ATRNL1: variants seen among roughly 807,000 people sequenced by gnomAD.
ATRNL1 encodes the protein attractin-like protein 1.
In ATRNL1, 95 loss-of-function variants were observed where a neutral mutation model predicts 182.7. The ratio of observed to expected loss-of-function variants is 0.52; its 90% CI spans 0.44 to 0.62. The LOEUF is 0.62. Ranked by LOEUF, ATRNL1 falls within the 20% of genes least tolerant of loss-of-function variation. The probability of loss-of-function intolerance (pLI) is 0.00; values close to 1 mark genes in which losing one functional copy is unlikely to be tolerated. For missense variants in ATRNL1, 1,471 were observed against 1,679.5 expected, an observed-to-expected ratio of 0.88 and a Z score of 2.17; for synonymous variants, 576 against 568.3, an observed-to-expected ratio of 1.01 and a Z score of -0.19.
chr10:115,474,357 C>G (rs190559488), intron 24 of ATRNL1, among the ~76,000 whole-genome samples: 6 of 151,484 alleles, frequency 4.0e-5, no homozygotes, highest in African/African-American at 1.2e-4. Context: ...TGATGGGTCA[C>G]TTTTATCTTC....
chr10:115,871,279 C>T (rs1951572571), intron 28 of ATRNL1, among the ~76,000 whole-genome samples: 1 of 151,612 alleles, frequency 6.6e-6, no homozygotes, highest in Non-Finnish European at 1.5e-5. Flanking sequence ...TTACAAATTT[C>T]CCATAATCTT....
At chr10:115,795,486 T>C (rs1555082711) in intron 27 of ATRNL1, among the ~76,000 whole-genome samples, 1 of 152,146 alleles carries the variant, frequency 6.6e-6, no homozygotes, top group African/African-American at 2.4e-5. Context: ...CAGTCTCCCA[T>C]GTATTAGTCC....
intron 26 of ATRNL1, among the ~76,000 whole-genome samples, chr10:115,716,129 A>G (rs560042562): frequency 1.3e-5 from 2 of 152,324 alleles, no homozygotes; most frequent in South Asian, 4.1e-4. Context: ...CTTAAAAGCA[A>G]GTCAGATTGC....
rs1016552418 is a variant in ATRNL1, at chr10:115,494,329, T to C, written c.3655-24934T>C. On this transcript the variant is annotated intron_variant, in intron 24 of 28. Transcript: ENST00000355044. ...ATCCTGTTTGGATGCATTTCATTCC[T>C]TTCTCTTGCCTGATTGCTGTGGCCA... Among the ~76,000 whole-genome samples the C allele has an allele frequency of 2.6e-5, 4 of 152,174 alleles. No individual in the cohort carries two copies. In the East Asian group the frequency reaches 7.7e-4, roughly 29 times the overall value.
chr10:115,265,686 A>C (rs74361832), intron 11 of ATRNL1, among the ~76,000 whole-genome samples: 2,233 of 151,836 alleles, frequency 0.015, 48 homozygotes, highest in African/African-American at 0.05. Context: ...TCTGTCATTT[A>C]CTAAATGTGT....
At chr10:115,913,454 C>T (rs922372771) in intron 28 of ATRNL1, among the ~76,000 whole-genome samples, 6 of 152,206 alleles carry the variant, frequency 3.9e-5, no homozygotes, top group African/African-American at 1.4e-4. Flanking sequence ...AGCCAAAGTG[C>T]TTAACTACTG....
intron 27 of ATRNL1, among the ~76,000 whole-genome samples, chr10:115,802,478 A>AACTT (rs1949821303): frequency 6.6e-6 from 1 of 152,330 alleles, no homozygotes; most frequent in Non-Finnish European, 1.5e-5. Context: ...TGTGAGGGAA[A>AACTT]ACTTAATGAA....
intron 5 of ATRNL1, among the ~76,000 whole-genome samples, chr10:115,141,500 G>A (rs1554878067): frequency 6.6e-6 from 1 of 152,118 alleles, no homozygotes; most frequent in African/African-American, 2.4e-5. Context: ...TGGCATTCAA[G>A]TTGTAGAAAC....
At chr10:115,689,518 A>G (rs556039405) in intron 26 of ATRNL1, among the ~76,000 whole-genome samples, 18 of 152,232 alleles carry the variant, frequency 1.2e-4, no homozygotes, top group African/African-American at 4.1e-4. Context: ...TTATGTTGCT[A>G]TGCCCATATT....
chr10:115,641,201 T>C lies in ATRNL1; in HGVS notation c.3796-86047T>C, dbSNP rs191574599. Among the ~76,000 whole-genome samples the C allele has an allele frequency of 1.3e-3, 202 of 152,324 alleles. 1 individual carries two copies. The highest frequency in any genetic ancestry group is 4.4e-3 in the African/African-American group (181 of 41,574). On this transcript the variant is annotated intron_variant, in intron 26 of 28. Coordinates refer to ENST00000355044, the MANE Select transcript of ATRNL1 (RefSeq NM_207303.4). Reference sequence around the variant, plus strand: ...AGCAAAACAATAATATAATTCATTATTGCAGATAGTTGTAACATTATATTA... The same window carrying C: ...AGCAAAACAATAATATAATTCATTACTGCAGATAGTTGTAACATTATATTA...
At chr10:115,541,051 C>G (rs1554991861) in intron 25 of ATRNL1, among the ~76,000 whole-genome samples, 1 of 152,070 alleles carries the variant, frequency 6.6e-6, no homozygotes, top group East Asian at 1.9e-4. Context: ...ACATAAAATA[C>G]TATAACAAAA....
At chr10:115,389,436 C>A (rs1357752687) in intron 19 of ATRNL1, among the ~76,000 whole-genome samples, 24 of 147,608 alleles carry the variant, frequency 1.6e-4, no homozygotes, top group Admixed American at 1.6e-3. Flanking sequence ...TTGCTTGGAC[C>A]TGGGAGGTGG....
intron 24 of ATRNL1, among the ~76,000 whole-genome samples, chr10:115,479,530 T>C (rs567069325): frequency 6.6e-6 from 1 of 151,492 alleles, no homozygotes; most frequent in African/African-American, 2.4e-5. Context: ...TAGGGTGTTT[T>C]ATGTTTTAGG....
chr10:115,417,372 C>T (rs1289501958), intron 20 of ATRNL1, among the ~76,000 whole-genome samples: 7 of 152,168 alleles, frequency 4.6e-5, no homozygotes, highest in Admixed American at 4.6e-4. Context: ...GAGACTTGCC[C>T]ATATCCTGCA....
intron 27 of ATRNL1, among the ~76,000 whole-genome samples, chr10:115,772,338 C>G (rs1316510751): frequency 1.3e-5 from 2 of 152,228 alleles, no homozygotes. Flanking sequence ...TTCTCGATTA[C>G]CAAGTCTCAC....
chr10:115,397,340 G>T (rs782713824), intron 20 of ATRNL1, among the ~76,000 whole-genome samples: 1 of 151,802 alleles, frequency 6.6e-6, no homozygotes, highest in Non-Finnish European at 1.5e-5. Flanking sequence ...CACTTCTTAG[G>T]ATAATTTCTG....
chr10:115,312,295 G>A (rs1854073957), intron 17 of ATRNL1, among the ~76,000 whole-genome samples: 1 of 152,012 alleles, frequency 6.6e-6, no homozygotes, highest in African/African-American at 2.4e-5. Context: ...TTGTAGGGCT[G>A]GTCTGGTAGT....
chr10:115,352,972 T>C lies in ATRNL1; in HGVS notation c.3175+18553T>C, dbSNP rs141603707. Among the ~76,000 whole-genome samples the C allele has an allele frequency of 6.5e-4, 99 of 152,294 alleles. No homozygotes were observed. In the Middle Eastern group the frequency reaches 0.014, roughly 21 times the overall value. The stretch of plus-strand genomic sequence containing the variant: ...CATGTAATACTTTGTTGAGACTATC[T>C]TCCTGGCCTAAGAGATGGTCTGTCC... On this transcript the variant is annotated intron_variant, in intron 19 of 28. Coordinates refer to ENST00000355044, the MANE Select transcript of ATRNL1 (RefSeq NM_207303.4).
intron 26 of ATRNL1, among the ~76,000 whole-genome samples, chr10:115,685,048 C>T (rs1946172628): frequency 6.6e-6 from 1 of 151,576 alleles, no homozygotes; most frequent in Non-Finnish European, 1.5e-5. Flanking sequence ...AATCATAAAT[C>T]CATGGATGGG....
Sources: gnomAD v4.1 joint callset for allele counts (sites outside exome capture counted in the v4.1 genomes callset) on GRCh38, gnomAD v4.1.1 for gene constraint, MANE v1.5 for transcripts, NCBI Gene and HGNC (gene_info 2026-07-23, HGNC 2026-07-21) for gene names.